NAALADL2: variants seen among roughly 807,000 people sequenced by gnomAD.
NAALADL2 encodes N-acetylated alpha-linked acidic dipeptidase like 2, also known as inactive N-acetylated-alpha-linked acidic dipeptidase-like protein 2.
NAALADL2 carries 76 observed loss-of-function variants against 87.2 expected under a neutral mutation model. The ratio of observed to expected loss-of-function variants is 0.87; its 90% CI spans 0.72 to 1.05. The LOEUF (loss-of-function observed/expected upper bound fraction) is 1.05, where lower values mean the gene tolerates loss of function less well. NAALADL2 is among the 50% of genes least tolerant of loss of function. The pLI is 0.00. For missense variants in NAALADL2, 1,089 were observed against 945.8 expected (o/e 1.15, Z -1.99); for synonymous variants, 354 against 331.0 (o/e 1.07, Z -0.75).
chr3:174,458,240 A>T (rs1168112076), intron 1 of NAALADL2, among the ~76,000 whole-genome samples: 1 of 152,204 alleles, frequency 6.6e-6, no homozygotes, highest in Admixed American at 6.5e-5. Flanking sequence ...GCATTATCCT[A>T]CATTACATTG....
intron 1 of NAALADL2, among the ~76,000 whole-genome samples, chr3:175,025,082 C>A (rs115810811): frequency 2.5e-3 from 373 of 152,012 alleles, no homozygotes; most frequent in African/African-American, 8.3e-3. Flanking sequence ...CACTTTTTCG[C>A]TTTGGTAGTA....
intron 13 of NAALADL2, among the ~76,000 whole-genome samples, chr3:175,786,767 AGGAGGAGG>A (rs1560013110): frequency 6.7e-6 from 1 of 149,308 alleles, no homozygotes; most frequent in African/African-American, 2.5e-5. Flanking sequence ...TTGGAGGAGG[AGGAGGAGG>A]AGGAGAGGCG....
intron 3 of NAALADL2, among the ~76,000 whole-genome samples, chr3:174,767,826 C>T (rs1341591691): frequency 2.0e-5 from 3 of 152,148 alleles, no homozygotes; most frequent in Non-Finnish European, 4.4e-5. Context: ...TGAAGTTCCT[C>T]ATAGAGAGTT....
At chr3:175,605,429 G>A (rs531189597) in intron 10 of NAALADL2, among the ~76,000 whole-genome samples, 1 of 152,086 alleles carries the variant, frequency 6.6e-6, no homozygotes, top group South Asian at 2.1e-4. Flanking sequence ...AACTCTTATG[G>A]GGAAATAAAA....
At chr3:174,688,195 G>C (rs1377403162) in intron 2 of NAALADL2, among the ~76,000 whole-genome samples, 2 of 152,094 alleles carry the variant, frequency 1.3e-5, no homozygotes, top group East Asian at 3.9e-4. Flanking sequence ...TGTAAAATCT[G>C]TTGTCTTGGA....
chr3:174,547,313 G>A (rs1230678723), intron 1 of NAALADL2, among the ~76,000 whole-genome samples: 1 of 152,070 alleles, frequency 6.6e-6, no homozygotes, highest in East Asian at 1.9e-4. Context: ...GGAATGAAGA[G>A]GCAGTTTCTG....
intron 11 of NAALADL2, among the ~76,000 whole-genome samples, chr3:175,656,416 GAAC>G (rs1731467887): frequency 2.0e-5 from 3 of 152,030 alleles, no homozygotes; most frequent in Non-Finnish European, 4.4e-5. Flanking sequence ...TTTATGCTTT[GAAC>G]CTTCTGAGGA....
intron 1 of NAALADL2, among the ~76,000 whole-genome samples, chr3:175,025,472 A>G (rs58440645): frequency 0.025 from 3,746 of 152,218 alleles, 163 homozygotes; most frequent in African/African-American, 0.086. Flanking sequence ...TGAAAGTTAT[A>G]TAATAACATG....
At chr3:175,152,446 G>A (rs1463527) in intron 2 of NAALADL2, among the ~76,000 whole-genome samples, 45,947 of 151,988 alleles carry the variant, frequency 0.3, 7,142 homozygotes, top group South Asian at 0.35. Flanking sequence ...TATACTAATG[G>A]TGCTTATACT....
chr3:174,860,163 C>G (rs1726309326), intron 1 of NAALADL2, among the ~76,000 whole-genome samples: 1 of 151,992 alleles, frequency 6.6e-6, no homozygotes, highest in Admixed American at 6.6e-5. Flanking sequence ...TGGGCCTAAT[C>G]AATATTTGTT....
chr3:175,777,069 T>G (rs893262347), intron 13 of NAALADL2, among the ~76,000 whole-genome samples: 3 of 151,502 alleles, frequency 2.0e-5, no homozygotes, highest in African/African-American at 7.3e-5. Flanking sequence ...GGAGGAAAAT[T>G]TATTTGCCGT....
At chr3:174,893,318 C>A (rs1475403676) in intron 1 of NAALADL2, among the ~76,000 whole-genome samples, 3 of 142,750 alleles carry the variant, frequency 2.1e-5, no homozygotes, top group African/African-American at 5.2e-5. Flanking sequence ...CAACCCCCCC[C>A]CGCAAAAAGT....
intron 1 of NAALADL2, among the ~76,000 whole-genome samples, chr3:174,490,961 A>G (rs376003654): frequency 1.3e-5 from 2 of 152,130 alleles, no homozygotes; most frequent in Non-Finnish European, 2.9e-5. Context: ...ACATACTTTA[A>G]GAGTATTTTA....
chr3:175,633,157 A>G (rs1728039087), intron 11 of NAALADL2, among the ~76,000 whole-genome samples: 2 of 152,090 alleles, frequency 1.3e-5, no homozygotes, highest in African/African-American at 4.8e-5. Flanking sequence ...GTATTCACCC[A>G]ATCAACTGCT....
intron 2 of NAALADL2, among the ~76,000 whole-genome samples, chr3:175,202,740 C>T (rs368614873): frequency 7.2e-5 from 11 of 152,044 alleles, no homozygotes; most frequent in African/African-American, 2.7e-4. Flanking sequence ...ACCATCAGGT[C>T]GGGCTGGGCT....
chr3:174,921,929 T>C (rs1675245896), intron 1 of NAALADL2, among the ~76,000 whole-genome samples: 1 of 152,034 alleles, frequency 6.6e-6, no homozygotes, highest in African/African-American at 2.4e-5. Flanking sequence ...ATTGGAGCTC[T>C]CAGTTGTGCC....
intron 1 of NAALADL2, among the ~76,000 whole-genome samples, chr3:174,999,086 T>C (rs74677890): frequency 0.016 from 2,488 of 152,296 alleles, 38 homozygotes; most frequent in African/African-American, 0.042. Flanking sequence ...TTGATACATT[T>C]ACTACTGGTT....
At chr3:175,775,514 T>C (rs1750103988) in intron 13 of NAALADL2, among the ~76,000 whole-genome samples, 4 of 152,122 alleles carry the variant, frequency 2.6e-5, no homozygotes, top group Admixed American at 2.6e-4. Context: ...CATTCATAAA[T>C]TCATTAATTC....
intron 1 of NAALADL2, among the ~76,000 whole-genome samples, chr3:174,508,611 A>G (rs1408651065): frequency 2.0e-5 from 3 of 152,206 alleles, no homozygotes; most frequent in African/African-American, 7.2e-5. Context: ...TGAAAGACTC[A>G]GTTGTTGTCT....
Sources: gnomAD v4.1 joint callset for allele counts (sites outside exome capture counted in the v4.1 genomes callset) on GRCh38, gnomAD v4.1.1 for gene constraint, MANE v1.5 for transcripts, NCBI Gene and HGNC (gene_info 2026-07-23, HGNC 2026-07-21) for gene names.